METTL6: variants seen among roughly 807,000 people sequenced by gnomAD.
METTL6 encodes the protein methyltransferase 6, tRNA N3-cytidine, also known as tRNA N(3)-cytidine methyltransferase METTL6.
METTL6 carries 22 observed loss-of-function variants against 26.4 expected under a neutral mutation model. The ratio of observed to expected loss-of-function variants is 0.83; its 90% CI spans 0.59 to 1.19. The LOEUF (loss-of-function observed/expected upper bound fraction) is 1.19, where lower values mean the gene tolerates loss of function less well. METTL6 is among the 50% of genes most tolerant of loss of function. The probability of loss-of-function intolerance (pLI) is 0.00; values close to 1 mark genes in which losing one functional copy is unlikely to be tolerated. For missense variants in METTL6, 304 were observed against 324.8 expected (o/e 0.94, Z 0.49); for synonymous variants, 109 against 116.2 (o/e 0.94, Z 0.40).
chr3:15,398,029 A>G (rs1334596586), intron 6 of METTL6, among the ~76,000 whole-genome samples: 2 of 151,540 alleles, frequency 1.3e-5, no homozygotes, highest in Non-Finnish European at 2.9e-5. Context: ...ACCCCAACCA[A>G]TCGGCAGCAA....
chr3:15,392,548 G>A (rs1289043490), intron 6 of METTL6, among the ~76,000 whole-genome samples: 1 of 152,184 alleles, frequency 6.6e-6, no homozygotes. Context: ...TCCTTTTGGT[G>A]TTTTAGACAT....
chr3:15,412,478 TG>T (rs199702877), intron 5 of METTL6, among the ~76,000 whole-genome samples: 6 of 143,912 alleles, frequency 4.2e-5, no homozygotes, highest in African/African-American at 1.1e-4. Context: ...TTTTGCATTT[TG>T]TTTTGTTTTG....
At chr3:15,388,004 A>G (rs765915021) in intron 6 of METTL6, among the ~76,000 whole-genome samples, 1 of 152,130 alleles carries the variant, frequency 6.6e-6, no homozygotes, top group Non-Finnish European at 1.5e-5. Flanking sequence ...GTAGACAAAG[A>G]GTAATTCACA....
Position 15,411,145 on chromosome 3 carries a change from T to C in METTL6, c.*111A>G. The C allele has an allele frequency of 8.2e-7, 1 of 1,225,052 alleles. No individual in the cohort carries two copies. The highest frequency in any genetic ancestry group is 1.5e-5 in the African/African-American group (1 of 65,504). The allele number at this position is 1,225,052 out of a possible 1,614,324, so 75.9% of individuals were successfully genotyped here. A position where few individuals can be genotyped will look rare whatever the true frequency, so the allele number is the denominator to read the frequency against. ...CCTGACCTCAGATGATCCCCCAACCTCGGCCTCCCGAAGTGCTGGGATTAC... is the reference window on the plus strand; with the variant it reads ...CCTGACCTCAGATGATCCCCCAACCCCGGCCTCCCGAAGTGCTGGGATTAC... On this transcript the variant is annotated 3_prime_UTR_variant, in exon 6 of 6. Transcript: ENST00000383790.
In METTL6 at chr3:15,411,280, G is replaced by T. The variant is rs768313233; in HGVS notation, c.831C>A (p.Val277=). The change falls in exon 6 of 6, where the codon GTC becomes GTA. Residue 277 remains valine, a synonymous_variant. Coordinates refer to ENST00000383790, the MANE Select transcript of METTL6 (RefSeq NM_152396.4). ...LKPPKNPSPV[V]LGLDPKS ...GTCAGGACTTAGGATCCAGGCCCAG[G>T]ACCACAGGAGATGGGTTCTTAGGAG... is the stretch of plus-strand genomic sequence containing the variant. 4 of 1,614,134 alleles carry T rather than the reference G, an allele frequency of 2.5e-6. No individual in the cohort carries two copies. The highest frequency in any genetic ancestry group is 1.1e-5 in the South Asian group (1 of 91,078).
chr3:15,422,083 T>G (rs944914270), intron 3 of METTL6, among the ~76,000 whole-genome samples: 1 of 151,614 alleles, frequency 6.6e-6, no homozygotes, highest in Non-Finnish European at 1.5e-5. Flanking sequence ...CCCAGCACTC[T>G]GGGAGGCAGA....
At position 15,403,981 on chromosome 3, in the gene METTL6, C is replaced by T. The variant is rs71308145; in HGVS notation, c.*11+7264G>A. ...AGTGAGGATGACAAGAGGTCACTCT[C>T]GTCGCCATCTTGGTTTTGCTGGGAT... On this transcript the variant is annotated intron_variant, in intron 6 of 6. Transcript: ENST00000443029. Among the ~76,000 whole-genome samples, 697 of 152,266 alleles carry T rather than the reference C, an allele frequency of 4.6e-3. 3 individuals are homozygous for T. Among genetic ancestry groups the T allele is most frequent in the Non-Finnish European group, 8.5e-3 (579 of 68,004 alleles).
chr3:15,414,869 C>A lies in METTL6; in HGVS notation c.532-707G>T, dbSNP rs1700126465. 3 of 765,364 alleles carry A rather than the reference C, an allele frequency of 3.9e-6. No individual in the cohort carries two copies. In the South Asian group the frequency reaches 4.4e-5, roughly 11 times the overall value. 47.4% of individuals were successfully genotyped at this position (765,364 alleles called of 1,614,324 possible). On this transcript the variant is annotated intron_variant, in intron 4 of 5. Coordinates refer to ENST00000383790, the MANE Select transcript of METTL6 (RefSeq NM_152396.4). ...CCCAGGAAGTTGAGGCTGCAGTGAGCCACGTCCATGCCACTGCACTCCAGC... is the reference window on the plus strand; with the variant it reads ...CCCAGGAAGTTGAGGCTGCAGTGAGACACGTCCATGCCACTGCACTCCAGC...
chr3:15,413,862 C>T lies in METTL6; in HGVS notation c.673+159G>A, dbSNP rs1182981169. 16 of 1,514,796 alleles carry T rather than the reference C, an allele frequency of 1.1e-5. No homozygotes were observed. In the East Asian group the frequency reaches 3.8e-4, roughly 36 times the overall value. 93.8% of individuals were successfully genotyped at this position (1,514,796 alleles called of 1,614,324 possible). A position where few individuals can be genotyped will look rare whatever the true frequency, so the allele number is the denominator to read the frequency against. On this transcript the variant is annotated intron_variant, in intron 5 of 5. Transcript: ENST00000383790. ...TTCAAGGGCAGGGGCCAGGTCTGTG[C>T]CTTCCAGGTGCTGGGTAAATATTGT...
intron 6 of METTL6, among the ~76,000 whole-genome samples, chr3:15,393,770 A>T (rs1218613042): frequency 3.9e-5 from 6 of 152,206 alleles, no homozygotes; most frequent in South Asian, 2.1e-4. Context: ...GGTTTTTGTC[A>T]TTGGTTCTGT....
intron 3 of METTL6, among the ~76,000 whole-genome samples, chr3:15,423,332 G>T (rs1324714414): frequency 2.0e-5 from 3 of 152,180 alleles, no homozygotes; most frequent in African/African-American, 7.2e-5. Flanking sequence ...GGTGGAGGTT[G>T]CAGTAAGCTG....
chr3:15,407,285 G>A (rs2124949485), downstream of METTL6, among the ~76,000 whole-genome samples: 1 of 152,230 alleles, frequency 6.6e-6, no homozygotes, highest in Non-Finnish European at 1.5e-5. Flanking sequence ...CTCCCAAAGT[G>A]CTGGGATTAC....
At chr3:15,402,650 CT>C (rs1390710641) in intron 6 of METTL6, among the ~76,000 whole-genome samples, 1 of 149,740 alleles carries the variant, frequency 6.7e-6, no homozygotes, top group Non-Finnish European at 1.5e-5. Flanking sequence ...AGGAGAATCA[CT>C]TGAACCGAGG....
intron 2 of METTL6, among the ~76,000 whole-genome samples, chr3:15,425,503 C>T (rs2061698042): frequency 6.6e-6 from 1 of 152,186 alleles, no homozygotes; most frequent in Admixed American, 6.5e-5. Context: ...TAGTTACTAA[C>T]ATTAACTATT....
At chr3:15,408,195 T>C (rs979795373), downstream of METTL6, among the ~76,000 whole-genome samples, 3 of 152,114 alleles carry the variant, frequency 2.0e-5, no homozygotes, top group African/African-American at 7.2e-5. Context: ...AGGATATCCT[T>C]GTGGGGACAG....
In METTL6 at chr3:15,404,509, ATTTT is replaced by A. The variant is rs34073251; in HGVS notation, c.*11+6732_*11+6735del. ...AGATGCGCACCATCATGCCCAGCTA[ATTTT>A]TTTTTTTTTTTTTTTTAAGTAGAGA... On this transcript the variant is annotated intron_variant, in intron 6 of 6. Coordinates refer to the METTL6 transcript ENST00000443029. Among the ~76,000 whole-genome samples the A allele has an allele frequency of 2.3e-5, 3 of 133,278 alleles. No individual in the cohort carries two copies. In the South Asian group the frequency reaches 7.6e-4, roughly 34 times the overall value. The allele number at this position is 133,278 out of a possible 152,430, so 87.4% of individuals were successfully genotyped here.
rs1330583681 is a variant in METTL6, at chr3:15,409,846, A to G, written c.*1410T>C. Among the ~76,000 whole-genome samples the G allele has an allele frequency of 6.6e-6, 1 of 152,248 alleles. No homozygotes were observed. The highest frequency in any genetic ancestry group is 2.4e-5 in the African/African-American group (1 of 41,452). ...CATAACTGAACTAAAGGGGAGACCA[A>G]TGGGCAAATATGACACTCGAAAAAG... On this transcript the variant is annotated 3_prime_UTR_variant, in exon 6 of 6. Coordinates refer to ENST00000383790, the MANE Select transcript of METTL6 (RefSeq NM_152396.4).
At chr3:15,383,584 A>G (rs1263242239) in exon 7 of METTL6, 2 of 152,174 alleles carry the variant, frequency 1.3e-5, no homozygotes, top group Non-Finnish European at 2.9e-5. Flanking sequence ...ACAAAGAAAA[A>G]GAAGTATGTG....
At chr3:15,383,796 G>A (rs937621315) in exon 7 of METTL6, 10 of 152,432 alleles carry the variant, frequency 6.6e-5, no homozygotes, top group African/African-American at 1.9e-4. Context: ...TAAGCCAGCA[G>A]GGATGAAAGT....
Sources: allele counts gnomAD v4.1 joint callset (sites outside exome capture counted in the v4.1 genomes callset), GRCh38; gene constraint gnomAD v4.1.1; transcripts MANE v1.5; gene names NCBI Gene and HGNC (gene_info 2026-07-23, HGNC 2026-07-21).